Variants in NRXN3 observed in about 807,000 individuals in gnomAD.
The protein encoded by NRXN3 is neurexin 3.
NRXN3 carries 32 observed loss-of-function variants against 137.6 expected under a neutral mutation model. That is an observed-to-expected ratio of 0.23 (90% CI 0.18 to 0.31). The LOEUF (loss-of-function observed/expected upper bound fraction) is 0.31, where lower values mean the gene tolerates loss of function less well. Ranked by LOEUF, NRXN3 falls within the 10% of genes least tolerant of loss-of-function variation. The pLI is 1.00. For synonymous variants in NRXN3, 798 were observed against 784.5 expected, an observed-to-expected ratio of 1.02 and a Z score of -0.29; for missense variants, 1,574 against 2,062.5, an observed-to-expected ratio of 0.76 and a Z score of 4.59.
intron 10 of NRXN3, among the ~76,000 whole-genome samples, chr14:78,889,271 A>G (rs1328332994): frequency 1.3e-5 from 2 of 151,902 alleles, no homozygotes; most frequent in Non-Finnish European, 1.5e-5. Context: ...TTTATTATCC[A>G]TCTCTTCACT....
At chr14:79,036,459 A>G (rs368730480) in intron 15 of NRXN3, among the ~76,000 whole-genome samples, 2 of 152,076 alleles carry the variant, frequency 1.3e-5, no homozygotes, top group African/African-American at 4.8e-5. Flanking sequence ...CTCTAGTTTT[A>G]TTTCCTAGAT....
At chr14:78,199,482 C>T (rs2153390266) in intron 1 of NRXN3, among the ~76,000 whole-genome samples, 1 of 152,206 alleles carries the variant, frequency 6.6e-6, no homozygotes, top group South Asian at 2.1e-4. Flanking sequence ...TTTTTTTATT[C>T]CTGTGAACAG....
chr14:79,560,540 T>G (rs1335094568), intron 16 of NRXN3, among the ~76,000 whole-genome samples: 1 of 111,318 alleles, frequency 9.0e-6, no homozygotes, highest in Non-Finnish European at 1.9e-5. Context: ...AGATGGAGTC[T>G]CTCTCTGTTG....
At chr14:79,701,932 G>A (rs932245016) in intron 19 of NRXN3, among the ~76,000 whole-genome samples, 4 of 152,098 alleles carry the variant, frequency 2.6e-5, no homozygotes, top group South Asian at 2.1e-4. Flanking sequence ...GACTGCATGC[G>A]TTTTAACCAT....
In NRXN3 at chr14:79,185,467, A is replaced by ATTT. The variant is rs10678366; in HGVS notation, c.3262+197341_3262+197343dup. 2.3e-3 allele frequency among the ~76,000 whole-genome samples: 331 copies of ATTT among 144,232 alleles called. 2 individuals are homozygous for ATTT. The highest frequency in any genetic ancestry group is 5.3e-3 in the South Asian group (24 of 4,546). 94.6% of individuals were successfully genotyped at this position (144,232 alleles called of 152,430 possible). A position where few individuals can be genotyped will look rare whatever the true frequency, so the allele number is the denominator to read the frequency against. The stretch of plus-strand genomic sequence containing the variant: ...GATTTGAGCAATTTCACACTTGGGA[A>ATTT]TTTTTTTTTTTTTTTTTAGATGGAG... On this transcript the variant is annotated intron_variant, in intron 15 of 20. Coordinates refer to ENST00000335750, the MANE Select transcript of NRXN3 (RefSeq NM_001330195.2).
rs1331849192 is a variant in NRXN3 at position 79,487,422 on chromosome 14, G to A, written c.3444+20020G>A. 3.3e-5 allele frequency among the ~76,000 whole-genome samples: 5 copies of A among 151,962 alleles called. 1 individual carries two copies. The highest frequency in any genetic ancestry group is 3.3e-4 in the Admixed American group (5 of 15,256). ...AACAGACACCGAGGCCCATGTTTAG[G>A]GCCAAAATCAGTGCTGAATGCCAGG... is the stretch of plus-strand genomic sequence containing the variant. On this transcript the variant is annotated intron_variant, in intron 16 of 20. Coordinates refer to ENST00000335750, the MANE Select transcript of NRXN3 (RefSeq NM_001330195.2).
chr14:79,663,441 T>C (rs989764605), intron 16 of NRXN3, among the ~76,000 whole-genome samples: 4 of 152,258 alleles, frequency 2.6e-5, no homozygotes, highest in African/African-American at 9.6e-5. Flanking sequence ...GTGTACTCTC[T>C]TAGTAAACAG....
chr14:79,103,052 G>A (rs1477143643), intron 15 of NRXN3, among the ~76,000 whole-genome samples: 2 of 152,146 alleles, frequency 1.3e-5, no homozygotes, highest in Admixed American at 6.6e-5. Context: ...AAGAAATTCA[G>A]ATGGCAGGTA....
intron 15 of NRXN3, among the ~76,000 whole-genome samples, chr14:79,205,517 G>T (rs1369281648): frequency 1.3e-5 from 2 of 152,068 alleles, no homozygotes; most frequent in Non-Finnish European, 2.9e-5. Flanking sequence ...TGAAAATAGG[G>T]CTGTATAATT....
At chr14:79,109,045 C>T (rs779207942) in intron 15 of NRXN3, among the ~76,000 whole-genome samples, 4 of 152,142 alleles carry the variant, frequency 2.6e-5, no homozygotes, top group Non-Finnish European at 5.9e-5. Context: ...TCAGGTAGAG[C>T]GTACTATTTC....
intron 15 of NRXN3, among the ~76,000 whole-genome samples, chr14:79,091,488 T>G (rs567885243): frequency 6.6e-6 from 1 of 152,248 alleles, no homozygotes; most frequent in Non-Finnish European, 1.5e-5. Context: ...CTATTCCTGC[T>G]TTCCAGCTGA....
intron 20 of NRXN3, among the ~76,000 whole-genome samples, chr14:79,810,185 C>G (rs948565703): frequency 6.6e-6 from 1 of 151,714 alleles, no homozygotes; most frequent in African/African-American, 2.4e-5. Flanking sequence ...GGCAGGAGGC[C>G]ACAGAGCAGA....
intron 15 of NRXN3, among the ~76,000 whole-genome samples, chr14:78,996,031 A>G (rs1404316535): frequency 6.6e-6 from 1 of 152,022 alleles, no homozygotes; most frequent in Middle Eastern, 3.2e-3. Flanking sequence ...TCTCCCATAG[A>G]GCTAAATGTT....
At chr14:78,771,693 T>A (rs2098728609) in intron 8 of NRXN3, among the ~76,000 whole-genome samples, 1 of 152,218 alleles carries the variant, frequency 6.6e-6, no homozygotes, top group African/African-American at 2.4e-5. Context: ...ATAGAAAATG[T>A]GTGTCTCTTT....
At chr14:79,640,495 A>G (rs747483795) in intron 16 of NRXN3, among the ~76,000 whole-genome samples, 1 of 135,592 alleles carries the variant, frequency 7.4e-6, no homozygotes, top group African/African-American at 2.5e-5. Flanking sequence ...ATTTCTTATC[A>G]TCTTGATGCT....
intron 4 of NRXN3, among the ~76,000 whole-genome samples, chr14:78,341,397 G>A (rs903209084): frequency 1.3e-5 from 2 of 152,174 alleles, no homozygotes; most frequent in African/African-American, 2.4e-5. Flanking sequence ...GTAACAAGAA[G>A]CTAGGTCTGT....
intron 8 of NRXN3, among the ~76,000 whole-genome samples, chr14:78,757,713 CTG>C (rs1331587955): frequency 1.3e-5 from 2 of 152,140 alleles, no homozygotes; most frequent in Non-Finnish European, 2.9e-5. Context: ...AGTGGAAAAA[CTG>C]TGAATAAAAA....
chr14:78,318,270 T>A (rs1195553433), intron 4 of NRXN3, among the ~76,000 whole-genome samples: 2 of 152,156 alleles, frequency 1.3e-5, no homozygotes, highest in African/African-American at 4.8e-5. Context: ...GGATCTTAGT[T>A]CATTGACATG....
chr14:79,551,225 T>C (rs1446157895), intron 16 of NRXN3, among the ~76,000 whole-genome samples: 1 of 152,216 alleles, frequency 6.6e-6, no homozygotes, highest in African/African-American at 2.4e-5. Context: ...CATCCCTTCC[T>C]TTCTTTCCCT....
Sources: gnomAD v4.1 joint callset for allele counts (sites outside exome capture counted in the v4.1 genomes callset) on GRCh38, gnomAD v4.1.1 for gene constraint, MANE v1.5 for transcripts, NCBI Gene and HGNC (gene_info 2026-07-23, HGNC 2026-07-21) for gene names.